VPS8: variants seen among roughly 807,000 people sequenced by gnomAD.
VPS8 encodes the protein VPS8 subunit of CORVET complex.
A neutral mutation model predicts 216.4 loss-of-function variants in VPS8; 129 were observed. The observed-to-expected ratio is 0.60, with a 90% CI of 0.52 to 0.69. The LOEUF is 0.69. Among genes scored for constraint, VPS8 ranks in the 30% least tolerant of loss-of-function variants. The probability of loss-of-function intolerance (pLI) is 0.00; values close to 1 mark genes in which losing one functional copy is unlikely to be tolerated. For synonymous variants in VPS8, 571 were observed against 565.4 expected (o/e 1.01, Z -0.14); for missense variants, 1,531 against 1,683.5 (o/e 0.91, Z 1.59).
chr3:184,915,163 C>A, intron 27 of VPS8, 110 bp downstream of exon 27: 1 of 1,369,940 alleles, frequency 7.3e-7, no homozygotes. Context: ...TCACCTGTTG[C>A]AGGAGAGAGC....
At chr3:185,048,362 G>A (rs1372345184) in intron 46 of VPS8, 117 bp from the exon 47 acceptor site, 1 of 985,894 alleles carries the variant, frequency 1.0e-6, no homozygotes, top group East Asian at 2.4e-5. Flanking sequence ...CTGGTAGCAT[G>A]GATTGTTTTC....
In VPS8 at chr3:184,824,771, T is replaced by A; in HGVS notation, c.139T>A (p.Phe47Ile). 1.2e-6 allele frequency: 2 copies of A among 1,610,186 alleles called. No individual in the cohort carries two copies. The highest frequency in any genetic ancestry group is 1.1e-5 in the South Asian group (1 of 90,512). The change falls in exon 2 of 48, where the codon TTC becomes ATC. Residue 47 changes from phenylalanine (F) to isoleucine (I), a missense_variant. This residue lies in a region of VPS8 where 199 missense variants were observed against 182.2 expected (regional missense o/e 1.09). Transcript: ENST00000625842. Reference sequence around the variant, plus strand: ...CATAGATATGGACAAGGAACTGGAGTTCAAAAATGATCTGGTAAAAATTTC... The same window carrying A: ...CATAGATATGGACAAGGAACTGGAGATCAAAAATGATCTGGTAAAAATTTC... The part of the protein sequence containing the change: ...SYIDMDKELE[F>I]KNDLIDDKEF...
At chr3:184,846,585 C>T (rs1723177577) in intron 8 of VPS8, among the ~76,000 whole-genome samples, 1 of 152,228 alleles carries the variant, frequency 6.6e-6, no homozygotes, top group Non-Finnish European at 1.5e-5. Context: ...ATTGGTGAAT[C>T]AGAACTCTGT....
chr3:184,955,932 G>A (rs1300663163), intron 36 of VPS8, among the ~76,000 whole-genome samples: 2 of 144,580 alleles, frequency 1.4e-5, no homozygotes, highest in South Asian at 2.2e-4. Flanking sequence ...GCCAGTCACT[G>A]AACAAACTTC....
Position 184,975,791 on chromosome 3 carries a change from GAATT to G in VPS8, c.3420+4040_3420+4043del, listed in dbSNP as rs534795713. On this transcript the variant is annotated intron_variant, in intron 40 of 47. Transcript: ENST00000625842. ...TTGAATTTTGTCAAATGCTTTTTCT[GAATT>G]GATTGAGATGATCATGTGGTTTTTG... is the stretch of plus-strand genomic sequence containing the variant. Among the ~76,000 whole-genome samples, 80 of 152,240 alleles carry G rather than the reference GAATT, an allele frequency of 5.3e-4. 2 individuals are homozygous for G. Among genetic ancestry groups the G allele is most frequent in the Admixed American group, 2.0e-3 (31 of 15,302 alleles).
chr3:184,921,072 C>G (rs531981423), intron 29 of VPS8, among the ~76,000 whole-genome samples: 1 of 152,276 alleles, frequency 6.6e-6, no homozygotes, highest in Admixed American at 6.5e-5. Flanking sequence ...GAATTTTCAC[C>G]TAGATTTATT....
chr3:184,966,533 C>A, intron 38 of VPS8, 138 bp from the exon 39 acceptor site: 1 of 465,722 alleles, frequency 2.1e-6, no homozygotes, highest in Non-Finnish European at 3.7e-6. Flanking sequence ...GAGTTTACTT[C>A]TGACTGACAC....
At chr3:184,955,402 G>A (rs1286612938) in intron 36 of VPS8, among the ~76,000 whole-genome samples, 4 of 152,022 alleles carry the variant, frequency 2.6e-5, no homozygotes, top group South Asian at 2.1e-4. Flanking sequence ...CTATCTCTGC[G>A]GTGGCTACCT....
intron 21 of VPS8, among the ~76,000 whole-genome samples, chr3:184,876,339 A>G (rs1729268759): frequency 6.6e-6 from 1 of 151,652 alleles, no homozygotes; most frequent in African/African-American, 2.4e-5. Flanking sequence ...ATTTGAAGAT[A>G]TTTGTTAAAA....
At chr3:184,869,575 T>G in intron 20 of VPS8, 47 bp downstream of exon 20, 1 of 1,594,556 alleles carries the variant, frequency 6.3e-7, no homozygotes, top group Non-Finnish European at 8.6e-7. Context: ...GCAGATTTGC[T>G]TTTGTCATTT....
chr3:184,850,358 C>T (rs1274679339), intron 10 of VPS8, among the ~76,000 whole-genome samples: 1 of 152,194 alleles, frequency 6.6e-6, no homozygotes, highest in East Asian at 1.9e-4. Flanking sequence ...TGCTGAAACT[C>T]ATATGGAGCT....
intron 8 of VPS8, 182 bp from the exon 9 acceptor site, chr3:184,848,889 G>T: frequency 3.8e-6 from 2 of 532,552 alleles, no homozygotes; most frequent in Non-Finnish European, 6.3e-6. Context: ...GTATTTTTAA[G>T]TGTCTAATTC....
chr3:184,823,884 GTTTTC>G (rs1718154121), intron 1 of VPS8, among the ~76,000 whole-genome samples: 1 of 152,052 alleles, frequency 6.6e-6, no homozygotes, highest in Non-Finnish European at 1.5e-5. Context: ...TAAGTTTCTA[GTTTTC>G]TTTAGTATTT....
In VPS8 at chr3:184,900,965, A is replaced by C; in HGVS notation, c.2139A>C (p.Thr713=). The change falls in exon 25 of 48, where the codon ACA becomes ACC. Residue 713 remains threonine (T), a synonymous_variant. Transcript: ENST00000625842. ...CTCCTCCTCTGAATGCAGGAAAAAC[A>C]CTAACAGGTATTTATTTTCTAAGCC... is the stretch of plus-strand genomic sequence containing the variant. ...VIAPPLNAGK[T]LTDEQVVMGN... is the part of the protein sequence containing the mutation. 6.2e-7 allele frequency: 1 copy of C among 1,605,582 alleles called. No individual in the cohort carries two copies.
intron 37 of VPS8, among the ~76,000 whole-genome samples, chr3:184,959,231 T>G (rs1259057713): frequency 6.6e-6 from 1 of 152,172 alleles, no homozygotes; most frequent in East Asian, 1.9e-4. Context: ...AGGCCAGTTT[T>G]TCCAAGGCCT....
intron 21 of VPS8, among the ~76,000 whole-genome samples, chr3:184,871,678 T>C (rs1308588222): frequency 6.6e-6 from 1 of 152,188 alleles, no homozygotes; most frequent in Non-Finnish European, 1.5e-5. Flanking sequence ...CACTGGGCAA[T>C]AGTAAAATTT....
At chr3:185,011,953 A>G (rs1755068095) in intron 45 of VPS8, among the ~76,000 whole-genome samples, 1 of 152,240 alleles carries the variant, frequency 6.6e-6, no homozygotes, top group Admixed American at 6.5e-5. Context: ...GGGAAACGTC[A>G]GCACAGAAAT....
intron 13 of VPS8, among the ~76,000 whole-genome samples, chr3:184,854,739 G>A (rs1560398790): frequency 6.6e-6 from 1 of 152,258 alleles, no homozygotes; most frequent in African/African-American, 2.4e-5. Flanking sequence ...TGTAATATGC[G>A]CCATAGATTG....
chr3:184,927,278 G>A (rs1235267274), intron 31 of VPS8, among the ~76,000 whole-genome samples: 3 of 152,152 alleles, frequency 2.0e-5, no homozygotes, highest in South Asian at 4.1e-4. Flanking sequence ...TGTCAGGTAA[G>A]TAAACTACTA....
Sources: allele counts gnomAD v4.1 joint callset (sites outside exome capture counted in the v4.1 genomes callset), GRCh38; gene constraint gnomAD v4.1.1; regional missense constraint gnomAD v4.1.1; transcripts MANE v1.5; gene names NCBI Gene and HGNC (gene_info 2026-07-23, HGNC 2026-07-21).